The following ADGRL3 variants were observed in gnomAD, a reference collection of about 807,000 sequenced individuals.
The protein encoded by ADGRL3 is calcium-independent alpha-latrotoxin receptor 3.
In ADGRL3, 62 loss-of-function variants were observed where a neutral mutation model predicts 153.5. The observed-to-expected ratio is 0.40, with a 90% CI of 0.33 to 0.50. ADGRL3 has a LOEUF of 0.50. ADGRL3 is among the 20% of genes least tolerant of loss of function. ADGRL3 has a pLI of 0.47. For missense variants in ADGRL3, 1,641 were observed against 1,859.4 expected (o/e 0.88, Z 2.16); for synonymous variants, 710 against 672.5 (o/e 1.06, Z -0.86).
At chr4:61,788,749 C>A (rs1207819247) in intron 8 of ADGRL3, among the ~76,000 whole-genome samples, 1 of 152,130 alleles carries the variant, frequency 6.6e-6, no homozygotes, top group Non-Finnish European at 1.5e-5. Context: ...AAATACAAGA[C>A]CATGTTAATG....
chr4:61,292,538 T>C (rs1345673511), intron 1 of ADGRL3, among the ~76,000 whole-genome samples: 3 of 152,186 alleles, frequency 2.0e-5, no homozygotes, highest in Non-Finnish European at 4.4e-5. Context: ...TAACTGTGTA[T>C]TCATAATTTG....
In ADGRL3 at chr4:61,653,207, C is replaced by G. The variant is rs71607302; in HGVS notation, c.474-23619C>G. Among the ~76,000 whole-genome samples, 544 of 144,262 alleles carry G rather than the reference C, an allele frequency of 3.8e-3. 6 individuals carry two copies. Among genetic ancestry groups the G allele is most frequent in the Admixed American group, 0.033 (468 of 14,178 alleles). 94.6% of individuals were successfully genotyped at this position (144,262 alleles called of 152,430 possible). On this transcript the variant is annotated intron_variant, in intron 5 of 26. Transcript: ENST00000683033. ...ACACACACACACACACACACACACA[C>G]AGAGCCATATGAGAACATAGAAAGA...
intron 13 of ADGRL3, among the ~76,000 whole-genome samples, chr4:61,914,681 T>C (rs1056861868): frequency 6.6e-6 from 1 of 152,140 alleles, no homozygotes; most frequent in Non-Finnish European, 1.5e-5. Flanking sequence ...GCCTTTCCAA[T>C]GATCTGAATA....
chr4:61,454,537 C>T (rs1295037475), intron 2 of ADGRL3, among the ~76,000 whole-genome samples: 1 of 152,010 alleles, frequency 6.6e-6, no homozygotes. Flanking sequence ...TGATTTATAA[C>T]CTTGGATAGT....
chr4:61,262,998 G>C (rs1485298500), intron 1 of ADGRL3, among the ~76,000 whole-genome samples: 1 of 151,956 alleles, frequency 6.6e-6, no homozygotes, highest in Non-Finnish European at 1.5e-5. Context: ...TAGGATCTGT[G>C]CATATTTATA....
intron 8 of ADGRL3, among the ~76,000 whole-genome samples, chr4:61,792,911 G>A (rs1199735789): frequency 2.0e-5 from 3 of 151,280 alleles, no homozygotes; most frequent in Admixed American, 1.3e-4. Flanking sequence ...CACTCTACTG[G>A]TACCAATTTA....
chr4:61,349,663 GT>G (rs1365850474), intron 1 of ADGRL3, among the ~76,000 whole-genome samples: 2 of 152,060 alleles, frequency 1.3e-5, no homozygotes, highest in Admixed American at 1.3e-4. Context: ...GTTGTAGATT[GT>G]AGTGAAGATT....
At chr4:62,055,523 TGAAA>T (rs1736523761) in intron 25 of ADGRL3, among the ~76,000 whole-genome samples, 1 of 151,856 alleles carries the variant, frequency 6.6e-6, no homozygotes, top group Non-Finnish European at 1.5e-5. Context: ...AAAAAAATGA[TGAAA>T]GAGTTCTTAG....
At chr4:61,518,785 G>A (rs908701629) in intron 4 of ADGRL3, among the ~76,000 whole-genome samples, 4 of 152,202 alleles carry the variant, frequency 2.6e-5, no homozygotes, top group African/African-American at 9.7e-5. Context: ...CTGTAGAATG[G>A]ACTCCAGTGT....
intron 5 of ADGRL3, among the ~76,000 whole-genome samples, chr4:61,613,213 A>G (rs2091594630): frequency 6.6e-6 from 1 of 152,090 alleles, no homozygotes; most frequent in African/African-American, 2.4e-5. Context: ...GGTGCTGGGT[A>G]TGTTCTTTTG....
At chr4:61,801,466 A>G (rs1036982409) in intron 8 of ADGRL3, among the ~76,000 whole-genome samples, 2 of 152,170 alleles carry the variant, frequency 1.3e-5, no homozygotes, top group African/African-American at 4.8e-5. Context: ...TTTAAAAAAT[A>G]GACTCCCACA....
At chr4:61,587,499 G>C in intron 5 of ADGRL3, 59 bp downstream of exon 5, 1 of 1,203,534 alleles carries the variant, frequency 8.3e-7, no homozygotes, top group East Asian at 2.4e-5. Flanking sequence ...ACATCAATCT[G>C]TGTTACATGT....
At chr4:61,846,423 T>C (rs1159271470) in intron 9 of ADGRL3, among the ~76,000 whole-genome samples, 1 of 152,152 alleles carries the variant, frequency 6.6e-6, no homozygotes, top group African/African-American at 2.4e-5. Context: ...AATTGCCTAC[T>C]TTCCACAGGT....
chr4:61,478,833 A>G lies in ADGRL3; in HGVS notation c.-173-18288A>G, dbSNP rs551409535. The stretch of plus-strand genomic sequence containing the variant: ...GTCTGTGTGCACATGTGTGAGTTTT[A>G]TCTATATTAATGTGAACTCAAAAGA... On this transcript the variant is annotated intron_variant, in intron 2 of 26. Transcript: ENST00000683033. Among the ~76,000 whole-genome samples the G allele has an allele frequency of 4.6e-5, 7 of 152,210 alleles. No individual in the cohort carries two copies. In the South Asian group the frequency reaches 1.4e-3, roughly 32 times the overall value.
chr4:61,869,330 G>A (rs1284313376), intron 9 of ADGRL3, among the ~76,000 whole-genome samples: 2 of 152,110 alleles, frequency 1.3e-5, no homozygotes, highest in Non-Finnish European at 2.9e-5. Context: ...CGGGCGCGGT[G>A]GCTCACGCCT....
At chr4:62,001,388 G>A (rs2099139725) in intron 21 of ADGRL3, among the ~76,000 whole-genome samples, 1 of 152,146 alleles carries the variant, frequency 6.6e-6, no homozygotes, top group South Asian at 2.1e-4. Context: ...TCAGTGAATT[G>A]AGGGATTTCT....
intron 2 of ADGRL3, among the ~76,000 whole-genome samples, chr4:61,421,152 G>A (rs2097202091): frequency 1.3e-5 from 2 of 152,214 alleles, no homozygotes; most frequent in South Asian, 4.1e-4. Context: ...GGCTAACACG[G>A]TGAAACCCCG....
At chr4:61,953,130 A>G (rs1177846898) in intron 17 of ADGRL3, among the ~76,000 whole-genome samples, 1 of 152,188 alleles carries the variant, frequency 6.6e-6, no homozygotes, top group East Asian at 1.9e-4. Context: ...AACCAAACTT[A>G]CCTTAGACTG....
chr4:61,306,406 C>T (rs543817870), intron 1 of ADGRL3, among the ~76,000 whole-genome samples: 1 of 152,214 alleles, frequency 6.6e-6, no homozygotes, highest in African/African-American at 2.4e-5. Context: ...CCAAGAACTT[C>T]TAACTGTGGG....
Sources: allele counts gnomAD v4.1 joint callset (sites outside exome capture counted in the v4.1 genomes callset), GRCh38; gene constraint gnomAD v4.1.1; transcripts MANE v1.5; gene names NCBI Gene and HGNC (gene_info 2026-07-23, HGNC 2026-07-21).